Variants in DAZL observed in about 807,000 individuals in gnomAD.
DAZL encodes deleted in azoospermia-like.
A neutral mutation model predicts 45.0 loss-of-function variants in DAZL; 4 were observed. That is an observed-to-expected ratio of 0.09 (90% confidence interval 0.04 to 0.20). DAZL has a LOEUF of 0.20. Among genes scored for constraint, DAZL ranks in the 10% least tolerant of loss-of-function variants. The pLI is 1.00. For missense variants in DAZL, 326 were observed against 351.3 expected, an observed-to-expected ratio of 0.93 and a Z score of 0.58; for synonymous variants, 122 against 112.4, an observed-to-expected ratio of 1.09 and a Z score of -0.54.
Position 16,604,612 on chromosome 3 carries a change from C to A in DAZL, c.3+591G>T, listed in dbSNP as rs543910410. The A allele has an allele frequency of 3.8e-3, 5,287 of 1,375,668 alleles. 20 individuals carry two copies. Among genetic ancestry groups the A allele is most frequent in the Non-Finnish European group, 4.3e-3 (4,604 of 1,069,446 alleles). The allele number at this position is 1,375,668 out of a possible 1,614,324, so 85.2% of individuals were successfully genotyped here. On this transcript the variant is annotated intron_variant, in intron 1 of 10. Transcript: ENST00000399444. Reference sequence around the variant, plus strand: ...GGACGCCCCACACCCCACGCTGAGGCCCCCACGAACCCCGCCCACCCCACC... The same window carrying A: ...GGACGCCCCACACCCCACGCTGAGGACCCCACGAACCCCGCCCACCCCACC...
At chr3:16,603,710 A>G (rs1320856895) in intron 1 of DAZL, among the ~76,000 whole-genome samples, 1 of 152,220 alleles carries the variant, frequency 6.6e-6, no homozygotes, top group African/African-American at 2.4e-5. Flanking sequence ...AAATAATGGT[A>G]TAATTTTTAA....
chr3:16,594,406 A>C (rs1349450362), intron 8 of DAZL, 127 bp downstream of exon 8: 9 of 707,104 alleles, frequency 1.3e-5, no homozygotes, highest in Middle Eastern at 5.1e-4. Context: ...AAAATGTAAC[A>C]CATTAATACA....
At chr3:16,596,386 T>C (rs546828007) in intron 6 of DAZL, among the ~76,000 whole-genome samples, 28 of 152,186 alleles carry the variant, frequency 1.8e-4, no homozygotes, top group South Asian at 1.7e-3. Flanking sequence ...CTGGAAATCA[T>C]TGCAAATAAA....
chr3:16,590,804 G>A (rs532502870), intron 10 of DAZL, among the ~76,000 whole-genome samples: 48 of 152,080 alleles, frequency 3.2e-4, no homozygotes, highest in African/African-American at 1.1e-3. Context: ...AAATGTCCAG[G>A]ACAGGAAAAT....
intron 3 of DAZL, 100 bp downstream of exon 3, chr3:16,597,987 A>G (rs1227006923): frequency 1.6e-6 from 2 of 1,231,484 alleles, no homozygotes; most frequent in East Asian, 5.0e-5. Flanking sequence ...AAATTAACAC[A>G]GCAACAAATT....
intron 6 of DAZL, 138 bp downstream of exon 6, chr3:16,596,612 A>G (rs758266625): frequency 8.5e-6 from 8 of 935,830 alleles, no homozygotes; most frequent in Non-Finnish European, 6.6e-6. Context: ...AATTTCTAAC[A>G]AAAGTAATAA....
At chr3:16,605,034 C>T (rs1694756778) in intron 1 of DAZL, among the ~76,000 whole-genome samples, 169 bp downstream of exon 1, 1 of 152,240 alleles carries the variant, frequency 6.6e-6, no homozygotes, top group Non-Finnish European at 1.5e-5. Flanking sequence ...CGCGCCACTG[C>T]CAGGCCGCCT....
At chr3:16,594,818 C>CA (rs1437466136) in intron 7 of DAZL, among the ~76,000 whole-genome samples, 1 of 151,862 alleles carries the variant, frequency 6.6e-6, no homozygotes, top group African/African-American at 2.4e-5. Context: ...GTGGAAATCT[C>CA]AGAGATATTA....
In DAZL at chr3:16,594,595, A is replaced by T; in HGVS notation, c.571-12T>A. 6.4e-7 allele frequency: 1 copy of T among 1,564,056 alleles called. No homozygotes were observed. ...CACTGTGGTGGCATCTTAAAAAAAAAAAAAAGGAAACCAAAATTATTCAAA... is the reference window on the plus strand; with the variant it reads ...CACTGTGGTGGCATCTTAAAAAAAATAAAAAGGAAACCAAAATTATTCAAA... On this transcript the variant is annotated splice_polypyrimidine_tract_variant and intron_variant, in intron 7 of 10. Coordinates refer to ENST00000399444, the MANE Select transcript of DAZL (RefSeq NM_001351.4).
chr3:16,592,118 C>G lies in DAZL; in HGVS notation c.766G>C (p.Val256Leu), dbSNP rs1343650227. 1 of 1,613,662 alleles carries G rather than the reference C, an allele frequency of 6.2e-7. No individual in the cohort carries two copies. Among genetic ancestry groups the G allele is most frequent in the Non-Finnish European group, 8.5e-7 (1 of 1,179,896 alleles). Reference protein sequence around the residue: ...KSVDRSIQTVVSCLFNPENRL... With the variant: ...KSVDRSIQTVLSCLFNPENRL... Reference sequence around the variant, plus strand: ...TTCTCTGGATTAAACAGACAAGATACCACCGTTTGTATGCTTCGGTCCACA... The same window carrying G: ...TTCTCTGGATTAAACAGACAAGATAGCACCGTTTGTATGCTTCGGTCCACA... The change falls in exon 10 of 11, where the codon GTA becomes CTA. Residue 256 changes from valine (V) to leucine (L), a missense_variant. By Grantham distance (32) the Val-to-Leu change is conservative. Transcript: ENST00000399444.
intron 10 of DAZL, among the ~76,000 whole-genome samples, chr3:16,591,084 T>G (rs1047258999): frequency 2.0e-5 from 3 of 152,172 alleles, no homozygotes; most frequent in African/African-American, 7.2e-5. Flanking sequence ...GTAATATTTC[T>G]CTCCCATTGG....
At chr3:16,604,598 AC>A in intron 1 of DAZL, 1 of 1,389,812 alleles carries the variant, frequency 7.2e-7, no homozygotes, top group East Asian at 2.7e-5. Flanking sequence ...GACGCCCCAC[AC>A]CCCACGCTGA....
intron 1 of DAZL, among the ~76,000 whole-genome samples, chr3:16,599,042 C>A (rs1694644202): frequency 6.6e-6 from 1 of 152,138 alleles, no homozygotes; most frequent in Non-Finnish European, 1.5e-5. Context: ...CTTGGCCTCC[C>A]AAAGTGCTGG....
chr3:16,597,078 G>T (rs757804002), intron 4 of DAZL, 27 bp from the exon 5 acceptor site: 2 of 1,600,948 alleles, frequency 1.2e-6, no homozygotes, highest in African/African-American at 2.7e-5. Context: ...AACAAAACTA[G>T]AATCAATTTT....
intron 8 of DAZL, among the ~76,000 whole-genome samples, chr3:16,594,158 C>G (rs1331079858): frequency 2.0e-5 from 3 of 152,184 alleles, no homozygotes; most frequent in Non-Finnish European, 4.4e-5. Flanking sequence ...CAAAACATTT[C>G]TGTTCCTCTT....
intron 1 of DAZL, among the ~76,000 whole-genome samples, chr3:16,599,003 G>A (rs1197316376): frequency 2.6e-5 from 4 of 151,848 alleles, no homozygotes; most frequent in African/African-American, 7.3e-5. Flanking sequence ...GGCTGGTCTC[G>A]AACTCCCGAC....
chr3:16,592,129 A>T lies in DAZL; in HGVS notation c.755T>A (p.Ile252Lys). 6.2e-7 allele frequency: 1 copy of T among 1,613,516 alleles called. No homozygotes were observed. The highest frequency in any genetic ancestry group is 8.5e-7 in the Non-Finnish European group (1 of 1,179,864). Residue 252 changes from isoleucine (I) to lysine (K), a missense_variant, in exon 10 of 11, where the codon ATA becomes AAA. By Grantham distance (102) the Ile-to-Lys change is moderately radical. Coordinates refer to ENST00000399444, the MANE Select transcript of DAZL (RefSeq NM_001351.4). ...AAACAGACAAGATACCACCGTTTGT[A>T]TGCTTCGGTCCACAGATTTCTGAAA... ...GPQKKSVDRS[I>K]QTVVSCLFNP... is the part of the protein sequence containing the mutation.
intron 1 of DAZL, 41 bp downstream of exon 1, chr3:16,605,162 A>G (rs1166705530): frequency 2.5e-6 from 4 of 1,613,650 alleles, no homozygotes; most frequent in Non-Finnish European, 3.4e-6. Flanking sequence ...ACGAGTGAAG[A>G]CTCCGCCAGC....
At chr3:16,604,433 A>G in intron 1 of DAZL, 3 of 1,531,438 alleles carry the variant, frequency 2.0e-6, no homozygotes, top group Non-Finnish European at 2.6e-6. Flanking sequence ...TAACTGCTGA[A>G]ACCAACCTCG....
Sources: gnomAD v4.1 joint callset for allele counts (sites outside exome capture counted in the v4.1 genomes callset) on GRCh38, gnomAD v4.1.1 for gene constraint, MANE v1.5 for transcripts, NCBI Gene and HGNC (gene_info 2026-07-23, HGNC 2026-07-21) for gene names.